Variants in NEK1 observed in about 807,000 individuals in gnomAD.
NEK1 encodes serine/threonine-protein kinase Nek1.
In NEK1, 137 loss-of-function variants were observed where a neutral mutation model predicts 182.1. The ratio of observed to expected loss-of-function variants is 0.75; its 90% CI spans 0.65 to 0.87. The LOEUF (loss-of-function observed/expected upper bound fraction) is 0.87, where lower values mean the gene tolerates loss of function less well. Among genes scored for constraint, NEK1 ranks in the 40% least tolerant of loss-of-function variants. NEK1 has a pLI of 0.00. For missense variants in NEK1, 1,391 were observed against 1,494.4 expected, an observed-to-expected ratio of 0.93 and a Z score of 1.14; for synonymous variants, 513 against 492.2, an observed-to-expected ratio of 1.04 and a Z score of -0.56.
At chr4:169,446,113 T>C (rs925946170) in intron 27 of NEK1, among the ~76,000 whole-genome samples, 1 of 151,800 alleles carries the variant, frequency 6.6e-6, no homozygotes, top group Non-Finnish European at 1.5e-5. Context: ...TACAGTTAAA[T>C]AGAATAAAAT....
chr4:169,606,477 C>A (rs934251151), intron 2 of NEK1, among the ~76,000 whole-genome samples: 3 of 151,942 alleles, frequency 2.0e-5, no homozygotes, highest in African/African-American at 7.3e-5. Flanking sequence ...AAGTCAATTC[C>A]CACCACAAAC....
chr4:169,469,918 T>C (rs1259203485), intron 26 of NEK1, among the ~76,000 whole-genome samples: 1 of 151,946 alleles, frequency 6.6e-6, no homozygotes, highest in Non-Finnish European at 1.5e-5. Flanking sequence ...AAAGTCTGTT[T>C]TATCAGAGAC....
intron 27 of NEK1, among the ~76,000 whole-genome samples, chr4:169,439,664 A>C (rs189755326): frequency 6.6e-6 from 1 of 152,154 alleles, no homozygotes; most frequent in Non-Finnish European, 1.5e-5. Context: ...AATAATCAAA[A>C]TATAGGATAA....
At chr4:169,603,316 G>A (rs1442324924) in intron 2 of NEK1, among the ~76,000 whole-genome samples, 2 of 152,122 alleles carry the variant, frequency 1.3e-5, no homozygotes, top group Admixed American at 6.5e-5. Context: ...GATGTTTACT[G>A]TAATGTCATT....
intron 26 of NEK1, among the ~76,000 whole-genome samples, chr4:169,476,497 T>C (rs1746966097): frequency 1.3e-5 from 2 of 152,064 alleles, no homozygotes; most frequent in Admixed American, 1.3e-4. Context: ...GCAAAATAAA[T>C]GCTATCAAGT....
At chr4:169,595,867 G>A (rs990460890) in intron 5 of NEK1, among the ~76,000 whole-genome samples, 13 of 140,232 alleles carry the variant, frequency 9.3e-5, no homozygotes, top group African/African-American at 3.2e-4. Flanking sequence ...AGCTTGCAGT[G>A]AGCCGAGATC....
intron 19 of NEK1, among the ~76,000 whole-genome samples, chr4:169,518,457 C>T (rs1267336546): frequency 7.5e-6 from 1 of 133,146 alleles, no homozygotes; most frequent in Non-Finnish European, 1.5e-5. Context: ...AAAAAACCAG[C>T]TCCTGGATTC....
intron 18 of NEK1, among the ~76,000 whole-genome samples, chr4:169,539,795 T>C (rs943652581): frequency 1.3e-5 from 2 of 152,122 alleles, no homozygotes; most frequent in South Asian, 2.1e-4. Flanking sequence ...GTAGACAAGA[T>C]AGGTGATCTC....
rs761282655 is a variant in NEK1, at chr4:169,508,297, T to C, written c.1784A>G (p.Gln595Arg). 1 of 1,592,292 alleles carries C rather than the reference T, an allele frequency of 6.3e-7. No individual in the cohort carries two copies. Among genetic ancestry groups the C allele is most frequent in the South Asian group, 1.2e-5 (1 of 86,900 alleles). Residue 595 changes from glutamine (Q) to arginine (R), a missense_variant, in exon 21 of 36, where the codon CAG becomes CGG. By Grantham distance (43) the Gln-to-Arg change is conservative (BLOSUM62 1). Transcript: ENST00000507142. ...YLARLRQIRLQNFNERQQIKA... is the reference protein window; with the variant it reads ...YLARLRQIRLRNFNERQQIKA... ...AATCTGTTGGCGCTCATTGAAATTC[T>C]GTAGTCTTATTTGCCTCAGTCTTGC...
chr4:169,485,409 C>T (rs904356883), intron 23 of NEK1, among the ~76,000 whole-genome samples: 3 of 152,120 alleles, frequency 2.0e-5, no homozygotes, highest in Admixed American at 6.6e-5. Context: ...CTTATTAGTA[C>T]AGTTGAATTG....
At chr4:169,449,591 T>G (rs1045073682) in intron 27 of NEK1, among the ~76,000 whole-genome samples, 4 of 152,204 alleles carry the variant, frequency 2.6e-5, no homozygotes, top group African/African-American at 9.6e-5. Flanking sequence ...CTGAGGGACC[T>G]GACTATTAAA....
intron 19 of NEK1, among the ~76,000 whole-genome samples, chr4:169,533,464 C>A (rs1757986624): frequency 6.6e-6 from 1 of 152,176 alleles, no homozygotes. Context: ...AAATACCTAA[C>A]AAACTTTAAA....
intron 11 of NEK1, among the ~76,000 whole-genome samples, chr4:169,579,077 A>G (rs2150043892): frequency 6.6e-6 from 1 of 152,356 alleles, no homozygotes; most frequent in East Asian, 1.9e-4. Flanking sequence ...TCTAAGAAAC[A>G]AATATGAACA....
At position 169,566,166 on chromosome 4, in the gene NEK1, T is replaced by A. The variant is rs1763645568; in HGVS notation, c.1021-3970A>T. Among the ~76,000 whole-genome samples the A allele has an allele frequency of 2.0e-5, 3 of 152,166 alleles. No individual in the cohort carries two copies. The South Asian group carries it at 6.2e-4, about 32-fold the overall frequency. On this transcript the variant is annotated intron_variant, in intron 12 of 35. Coordinates refer to ENST00000507142, the MANE Select transcript of NEK1 (RefSeq NM_001199397.3). Reference sequence around the variant, plus strand: ...AAAACATTAATACAGCAACTTAATATAAATAACTGGATTATATATATATTA... The same window carrying A: ...AAAACATTAATACAGCAACTTAATAAAAATAACTGGATTATATATATATTA...
At chr4:169,410,283 A>G (rs191931981) in intron 31 of NEK1, among the ~76,000 whole-genome samples, 204 of 152,244 alleles carry the variant, frequency 1.3e-3, no homozygotes, top group African/African-American at 4.8e-3. Flanking sequence ...AAATTTTAGG[A>G]AACCTTAAAA....
chr4:169,410,820 A>AT (rs1287052736), intron 31 of NEK1, among the ~76,000 whole-genome samples: 1 of 152,282 alleles, frequency 6.6e-6, no homozygotes, highest in Non-Finnish European at 1.5e-5. Flanking sequence ...AAAGCAGATC[A>AT]TTTTTTTGTC....
intron 10 of NEK1, among the ~76,000 whole-genome samples, chr4:169,584,205 G>A (rs1177712705): frequency 6.6e-6 from 1 of 151,728 alleles, no homozygotes; most frequent in Non-Finnish European, 1.5e-5. Flanking sequence ...GCACCTACAT[G>A]TGTGCACTAA....
intron 27 of NEK1, among the ~76,000 whole-genome samples, chr4:169,442,709 A>G (rs1409486233): frequency 6.6e-6 from 1 of 152,234 alleles, no homozygotes; most frequent in African/African-American, 2.4e-5. Flanking sequence ...TCATGGTCTC[A>G]ATGAGAAATT....
At chr4:169,564,808 A>T (rs1763427822) in intron 12 of NEK1, among the ~76,000 whole-genome samples, 1 of 152,180 alleles carries the variant, frequency 6.6e-6, no homozygotes, top group Non-Finnish European at 1.5e-5. Context: ...TGGGTTAATA[A>T]ACTTATAAAT....
Sources: gnomAD v4.1 joint callset for allele counts (sites outside exome capture counted in the v4.1 genomes callset) on GRCh38, gnomAD v4.1.1 for gene constraint, MANE v1.5 for transcripts, NCBI Gene and HGNC (gene_info 2026-07-23, HGNC 2026-07-21) for gene names.